DLG2: variants seen among roughly 807,000 people sequenced by gnomAD.
DLG2 encodes disks large homolog 2.
DLG2 carries 45 observed loss-of-function variants against 132.5 expected under a neutral mutation model. That is an observed-to-expected ratio of 0.34 (90% confidence interval 0.27 to 0.44). The LOEUF (loss-of-function observed/expected upper bound fraction) is 0.44. Ranked by LOEUF, DLG2 falls within the 20% of genes least tolerant of loss-of-function variation. DLG2 has a pLI of 1.00. For missense variants in DLG2, 1,045 were observed against 1,196.9 expected, an observed-to-expected ratio of 0.87 and a Z score of 1.87; for synonymous variants, 424 against 419.6, an observed-to-expected ratio of 1.01 and a Z score of -0.13.
intron 4 of DLG2, among the ~76,000 whole-genome samples, chr11:85,208,747 T>C (rs1043981017): frequency 7.2e-5 from 11 of 152,218 alleles, no homozygotes; most frequent in Admixed American, 5.9e-4. Flanking sequence ...TCAAATAAGA[T>C]CAGCTACCAG....
intron 10 of DLG2, among the ~76,000 whole-genome samples, chr11:84,063,783 A>G (rs191640591): frequency 7.2e-5 from 11 of 152,360 alleles, no homozygotes; most frequent in African/African-American, 2.2e-4. Flanking sequence ...CTGTGCAGCC[A>G]TAAAAAATGA....
chr11:83,947,329 C>T (rs2084280044), intron 14 of DLG2, among the ~76,000 whole-genome samples: 1 of 152,018 alleles, frequency 6.6e-6, no homozygotes, highest in Non-Finnish European at 1.5e-5. Flanking sequence ...TGGTTTTTGA[C>T]AGATTCTTCT....
rs527889944 is a variant in DLG2 at position 83,587,593 on chromosome 11, T to G, written c.1940+45618A>C. On this transcript the variant is annotated intron_variant, in intron 19 of 27. Coordinates refer to ENST00000376104, the MANE Select transcript of DLG2 (RefSeq NM_001142699.3). ...GAGATAGTGAATTAGAATTTATATA[T>G]AGAGAGAGTTTCTCTCTATAATCAC... is the stretch of plus-strand genomic sequence containing the variant. 1.5e-3 allele frequency among the ~76,000 whole-genome samples: 229 copies of G among 152,316 alleles called. 1 individual carries two copies. The highest frequency in any genetic ancestry group is 2.7e-3 in the Non-Finnish European group (184 of 68,022).
At chr11:83,480,089 A>G (rs1362028849) in intron 22 of DLG2, among the ~76,000 whole-genome samples, 1 of 152,092 alleles carries the variant, frequency 6.6e-6, no homozygotes, top group Non-Finnish European at 1.5e-5. Flanking sequence ...AACTTTTTAC[A>G]CACCTTCTCT....
chr11:84,708,746 G>A (rs1369093323), intron 6 of DLG2, among the ~76,000 whole-genome samples: 1 of 151,664 alleles, frequency 6.6e-6, no homozygotes, highest in African/African-American at 2.4e-5. Context: ...ACCAACCATA[G>A]CAATTTGTTG....
rs114872517 is a variant in DLG2, at chr11:83,675,071, A to G, written c.1826-41746T>C. The stretch of plus-strand genomic sequence containing the variant: ...TCTTCTATGCTGTAAAAGTGGAAAA[A>G]CAATCCAAAGTGTAGTTAATTAAAT... On this transcript the variant is annotated intron_variant, in intron 18 of 27. Coordinates refer to ENST00000376104, the MANE Select transcript of DLG2 (RefSeq NM_001142699.3). 5.9e-3 allele frequency among the ~76,000 whole-genome samples: 904 copies of G among 152,328 alleles called. 13 individuals are homozygous for G. Among genetic ancestry groups the G allele is most frequent in the African/African-American group, 0.021 (862 of 41,582 alleles).
intron 6 of DLG2, among the ~76,000 whole-genome samples, chr11:84,765,381 G>C (rs542637371): frequency 1.3e-5 from 2 of 152,140 alleles, no homozygotes; most frequent in Admixed American, 6.5e-5. Flanking sequence ...AGTAGATTAA[G>C]AAAGTTCTCC....
At chr11:84,051,446 C>A (rs189191431) in intron 11 of DLG2, among the ~76,000 whole-genome samples, 5,364 of 151,712 alleles carry the variant, frequency 0.035, 276 homozygotes, top group African/African-American at 0.12. Context: ...ATGCAGCCAT[C>A]AAAAATGATG....
intron 6 of DLG2, among the ~76,000 whole-genome samples, chr11:84,909,303 A>T (rs2091849853): frequency 6.6e-6 from 1 of 152,016 alleles, no homozygotes; most frequent in Admixed American, 6.5e-5. Flanking sequence ...TAATGTTTCC[A>T]CTCTTTTTAA....
chr11:83,822,560 G>A (rs937561602), intron 17 of DLG2, among the ~76,000 whole-genome samples: 6 of 152,126 alleles, frequency 3.9e-5, no homozygotes, highest in African/African-American at 1.2e-4. Flanking sequence ...GGCAAGTCAA[G>A]CAGATGTTCC....
intron 6 of DLG2, among the ~76,000 whole-genome samples, chr11:84,606,899 C>A (rs2099586720): frequency 6.6e-6 from 1 of 152,094 alleles, no homozygotes; most frequent in Non-Finnish European, 1.5e-5. Flanking sequence ...CTTCCCTGGA[C>A]CCTCGCATGT....
chr11:83,777,590 A>T (rs968944593), intron 18 of DLG2, among the ~76,000 whole-genome samples: 2 of 152,240 alleles, frequency 1.3e-5, no homozygotes, highest in Non-Finnish European at 2.9e-5. Flanking sequence ...CAATGGTTCT[A>T]TAAACAAAAA....
intron 15 of DLG2, among the ~76,000 whole-genome samples, chr11:83,883,977 T>A (rs962980571): frequency 1.1e-4 from 16 of 144,474 alleles, no homozygotes; most frequent in African/African-American, 3.7e-4. Flanking sequence ...GATGGCCGAA[T>A]AGGAACAGCT....
intron 3 of DLG2, among the ~76,000 whole-genome samples, chr11:85,472,546 C>T (rs1452782678): frequency 6.6e-6 from 1 of 152,200 alleles, no homozygotes; most frequent in Non-Finnish European, 1.5e-5. Flanking sequence ...GATCCACCCG[C>T]CTTGGCCTCC....
intron 4 of DLG2, among the ~76,000 whole-genome samples, chr11:85,218,914 G>A (rs1296016730): frequency 6.6e-6 from 1 of 152,122 alleles, no homozygotes; most frequent in African/African-American, 2.4e-5. Flanking sequence ...GTCCTTTGCA[G>A]CAACGTGGAT....
At chr11:84,714,188 A>G (rs1213544378) in intron 6 of DLG2, among the ~76,000 whole-genome samples, 6 of 129,956 alleles carry the variant, frequency 4.6e-5, no homozygotes, top group African/African-American at 2.3e-4. Context: ...TAAAAAAAAA[A>G]CATATACCAA....
chr11:83,663,741 T>C (rs2074908754), intron 18 of DLG2, among the ~76,000 whole-genome samples: 1 of 152,182 alleles, frequency 6.6e-6, no homozygotes, highest in Admixed American at 6.5e-5. Flanking sequence ...CCTCCTATAG[T>C]TCAGCAAAGT....
At chr11:84,069,967 C>A (rs186250305) in intron 10 of DLG2, among the ~76,000 whole-genome samples, 1 of 152,206 alleles carries the variant, frequency 6.6e-6, no homozygotes, top group Non-Finnish European at 1.5e-5. Flanking sequence ...AGATGAGGTG[C>A]TGGTACCTAC....
intron 3 of DLG2, among the ~76,000 whole-genome samples, chr11:85,589,786 C>T (rs959739968): frequency 2.6e-5 from 4 of 151,986 alleles, no homozygotes; most frequent in Non-Finnish European, 5.9e-5. Context: ...AGAAAGCAAG[C>T]AGGGCTTTCA....
Sources: allele counts gnomAD v4.1 joint callset (sites outside exome capture counted in the v4.1 genomes callset), GRCh38; gene constraint gnomAD v4.1.1; transcripts MANE v1.5; gene names NCBI Gene and HGNC (gene_info 2026-07-23, HGNC 2026-07-21).